The following HIVEP3 variants were observed in gnomAD, a reference collection of about 807,000 sequenced individuals.
The protein encoded by HIVEP3 is transcription factor HIVEP3.
Under a neutral mutation model 152.8 loss-of-function variants are expected in HIVEP3, and 49 were observed. The ratio of observed to expected loss-of-function variants is 0.32; its 90% CI spans 0.26 to 0.41. HIVEP3 has a LOEUF of 0.41. Among genes scored for constraint, HIVEP3 ranks in the 10% least tolerant of loss-of-function variants. The pLI is 1.00. For synonymous variants in HIVEP3, 1,269 were observed against 1,289.0 expected, an observed-to-expected ratio of 0.98 and a Z score of 0.33; for missense variants, 2,790 against 3,103.3, an observed-to-expected ratio of 0.90 and a Z score of 2.40.
chr1:41,554,157 T>C (rs1404808269), intron 5 of HIVEP3, among the ~76,000 whole-genome samples: 1 of 152,260 alleles, frequency 6.6e-6, no homozygotes, highest in Non-Finnish European at 1.5e-5. Context: ...ATTTGGTCTT[T>C]TCACATAGTC....
At chr1:41,660,088 A>G (rs150237504) in intron 2 of HIVEP3, among the ~76,000 whole-genome samples, 2,470 of 152,254 alleles carry the variant, frequency 0.016, 31 homozygotes, top group Non-Finnish European at 0.021. Flanking sequence ...ACAGGATGGC[A>G]TGTGTGAGTG....
chr1:41,522,805 CAG>C (rs199938355), intron 6 of HIVEP3, among the ~76,000 whole-genome samples: 3,322 of 152,320 alleles, frequency 0.022, 45 homozygotes, highest in South Asian at 0.054. Context: ...TCTCACGCGG[CAG>C]AGTGATGGTT....
chr1:41,736,625 A>C (rs1646923172), intron 1 of HIVEP3, among the ~76,000 whole-genome samples: 1 of 152,204 alleles, frequency 6.6e-6, no homozygotes, highest in Non-Finnish European at 1.5e-5. Flanking sequence ...ATGAGCATTC[A>C]CTGTGGGCAG....
Position 41,598,805 on chromosome 1 carries a change from T to TATTA in HIVEP3, c.-521-13488_-521-13487insTAAT, listed in dbSNP as rs1644703712. On this transcript the variant is annotated intron_variant, in intron 3 of 8. Transcript: ENST00000372583. The stretch of plus-strand genomic sequence containing the variant: ...TACTCCCACACATACAGTCACATGA[T>TATTA]GTTATTTATTTATTTATTTATTTAT... Among the ~76,000 whole-genome samples the TATTA allele has an allele frequency of 4.5e-5, 3 of 65,986 alleles. No individual in the cohort carries two copies. In the Admixed American group the frequency reaches 5.1e-4, roughly 11 times the overall value. 43.3% of individuals were successfully genotyped at this position (65,986 alleles called of 152,430 possible).
chr1:41,683,995 C>T (rs1646078620), intron 2 of HIVEP3, among the ~76,000 whole-genome samples: 1 of 152,218 alleles, frequency 6.6e-6, no homozygotes. Context: ...AATTGGTTAG[C>T]AGCTGTGTGG....
chr1:41,854,614 G>A (rs550166563), intron 1 of HIVEP3, among the ~76,000 whole-genome samples: 8 of 119,950 alleles, frequency 6.7e-5, no homozygotes, highest in African/African-American at 2.9e-4. Flanking sequence ...ATGCTGGTGC[G>A]CTGCACCCAC....
At chr1:41,825,186 T>C (rs1642762252) in intron 1 of HIVEP3, among the ~76,000 whole-genome samples, 1 of 152,032 alleles carries the variant, frequency 6.6e-6, no homozygotes. Flanking sequence ...TTACGAGCAA[T>C]TTTTGCGGGT....
chr1:41,913,593 T>C (rs943121889), intron 1 of HIVEP3, among the ~76,000 whole-genome samples: 4 of 152,072 alleles, frequency 2.6e-5, no homozygotes, highest in Non-Finnish European at 5.9e-5. Context: ...GACAGGGTCT[T>C]GCTATGTCGC....
chr1:41,776,688 C>T (rs1386789622), intron 1 of HIVEP3, among the ~76,000 whole-genome samples: 1 of 152,246 alleles, frequency 6.6e-6, no homozygotes, highest in Non-Finnish European at 1.5e-5. Flanking sequence ...CTGTTGTCTG[C>T]TTTCAGCAAA....
At chr1:41,592,404 G>A (rs1644600836) in intron 3 of HIVEP3, among the ~76,000 whole-genome samples, 1 of 152,206 alleles carries the variant, frequency 6.6e-6, no homozygotes, top group African/African-American at 2.4e-5. Context: ...CCAGGTGACA[G>A]TGTGGCCAAC....
chr1:41,534,245 C>T lies in HIVEP3; in HGVS notation c.5208-9335G>A, dbSNP rs912158206. On this transcript the variant is annotated intron_variant, in intron 5 of 8. Coordinates refer to ENST00000372583, the MANE Select transcript of HIVEP3 (RefSeq NM_024503.5). ...TCCCACTTCATGCTTCTCCCACTAC[C>T]ATCGGAGCGAAGCCCTGCATTCCTT... 3.3e-5 allele frequency among the ~76,000 whole-genome samples: 5 copies of T among 152,162 alleles called. No homozygotes were observed. In the South Asian group the frequency reaches 6.2e-4, roughly 19 times the overall value.
At chr1:41,951,370 G>A (rs1225581828) in intron 1 of HIVEP3, among the ~76,000 whole-genome samples, 1 of 152,122 alleles carries the variant, frequency 6.6e-6, no homozygotes, top group Non-Finnish European at 1.5e-5. Context: ...TTAGAGTATG[G>A]CAATATAAGC....
At chr1:41,824,784 T>TATATATAGAG (rs1553266584) in intron 1 of HIVEP3, among the ~76,000 whole-genome samples, 16 of 11,352 alleles carry the variant, frequency 1.4e-3, no homozygotes, top group Non-Finnish European at 2.0e-3. Context: ...TATATATATA[T>TATATATAGAG]AGAGAGAGAG....
chr1:41,989,325 ATACTGTACATCATAAATATGTACAATTTG>A (rs1467827675), intron 1 of HIVEP3, among the ~76,000 whole-genome samples: 1 of 150,606 alleles, frequency 6.6e-6, no homozygotes, highest in African/African-American at 2.4e-5. Context: ...ACAAAATATC[ATACTGTACATCATAAATATGTACAATTTG>A]TATTTGTCAA....
intron 2 of HIVEP3, among the ~76,000 whole-genome samples, chr1:41,663,553 A>G (rs1249704403): frequency 3.3e-5 from 5 of 152,282 alleles, no homozygotes; most frequent in African/African-American, 1.2e-4. Context: ...GACCTTGGGC[A>G]TTTGTGTGCC....
At chr1:41,837,681 TA>T (rs1643165919) in intron 1 of HIVEP3, among the ~76,000 whole-genome samples, 1 of 152,202 alleles carries the variant, frequency 6.6e-6, no homozygotes, top group Non-Finnish European at 1.5e-5. Context: ...CCTGTTCACT[TA>T]CCTGTTCCTT....
chr1:41,624,985 G>A (rs1263464197), intron 3 of HIVEP3, among the ~76,000 whole-genome samples: 2 of 152,068 alleles, frequency 1.3e-5, no homozygotes, highest in Non-Finnish European at 2.9e-5. Flanking sequence ...CTGACATGGT[G>A]AAACCCCATC....
Position 41,886,440 on chromosome 1 carries a change from C to T in HIVEP3, c.-801+31973G>A, listed in dbSNP as rs1039050035. On this transcript the variant is annotated intron_variant, in intron 1 of 8. Coordinates refer to ENST00000372583, the MANE Select transcript of HIVEP3 (RefSeq NM_024503.5). ...TGAAATATACAGAGCGGTCCGGGTG[C>T]GGTGGCTCACACCTGTCATCCCAGC... is the stretch of plus-strand genomic sequence containing the variant. 3.9e-5 allele frequency among the ~76,000 whole-genome samples: 6 copies of T among 151,934 alleles called. 1 individual carries two copies. The highest frequency in any genetic ancestry group is 4.2e-4 in the South Asian group (2 of 4,810).
chr1:41,568,828 G>T (rs954861556), intron 5 of HIVEP3, among the ~76,000 whole-genome samples: 18 of 152,162 alleles, frequency 1.2e-4, no homozygotes, highest in African/African-American at 2.9e-4. Context: ...CACTGATATG[G>T]TTTGGATCTG....
Sources: gnomAD v4.1 joint callset for allele counts (sites outside exome capture counted in the v4.1 genomes callset) on GRCh38, gnomAD v4.1.1 for gene constraint, MANE v1.5 for transcripts, NCBI Gene and HGNC (gene_info 2026-07-23, HGNC 2026-07-21) for gene names.